The following FAAH2 variants were observed in gnomAD, a reference collection of about 807,000 sequenced individuals.
FAAH2 encodes fatty-acid amide hydrolase 2.
A neutral mutation model predicts 36.9 loss-of-function variants in FAAH2; 60 were observed. The ratio of observed to expected loss-of-function variants is 1.63; its 90% CI spans 1.32 to 2.02. The LOEUF is 2.02. Ranked by LOEUF, FAAH2 falls within the 30% of genes most tolerant of loss-of-function variation. The pLI, the probability that FAAH2 is intolerant of heterozygous loss-of-function variation, is 0.00. For synonymous variants in FAAH2, 214 were observed against 143.8 expected (o/e 1.49, Z -3.49); for missense variants, 689 against 397.5 (o/e 1.73, Z -6.23).
At chrX:57,300,117 A>C (rs1321532960) in intron 2 of FAAH2, among the ~76,000 whole-genome samples, 2 of 111,671 alleles carry the variant, frequency 1.8e-5, no homozygotes, top group African/African-American at 6.5e-5. Flanking sequence ...TTTAAAGTTC[A>C]TATAGAACCA....
the FAAH2 span, among the ~76,000 whole-genome samples, chrX:57,244,037 GT>G: frequency 1.9e-5 from 2 of 107,601 alleles, no homozygotes; most frequent in Non-Finnish European, 3.8e-5. Context: ...AGGATAACCA[GT>G]TTAGAGAACA....
intron 10 of FAAH2, among the ~76,000 whole-genome samples, chrX:57,472,863 T>C (rs1483105995): frequency 9.0e-6 from 1 of 111,541 alleles, no homozygotes; most frequent in Non-Finnish European, 1.9e-5. Flanking sequence ...TGGCATAAGT[T>C]GTAATATCAC....
chrX:57,261,250 A>G, the FAAH2 span, among the ~76,000 whole-genome samples: 6 of 111,605 alleles, frequency 5.4e-5, no homozygotes, highest in East Asian at 1.4e-3. Context: ...GATAAATCTA[A>G]AAAACAATTT....
At chrX:57,486,589 A>G (rs1445536122) in intron 10 of FAAH2, among the ~76,000 whole-genome samples, 1 of 111,451 alleles carries the variant, frequency 9.0e-6, no homozygotes, top group African/African-American at 3.3e-5. Context: ...CTTTGTTTCT[A>G]ACAAATCTCA....
At chrX:57,355,051 GA>G (rs1184970188) in intron 5 of FAAH2, among the ~76,000 whole-genome samples, 7 of 110,209 alleles carry the variant, frequency 6.4e-5, no homozygotes, top group African/African-American at 2.0e-4. Flanking sequence ...ATTTATACAG[GA>G]ATAAACATTT....
the FAAH2 span, among the ~76,000 whole-genome samples, chrX:57,172,203 C>CT: frequency 2.7e-5 from 3 of 111,800 alleles, no homozygotes; most frequent in African/African-American, 9.8e-5. Flanking sequence ...TAGCTTCGTT[C>CT]TTTTTGCTTA....
rs1277907538 is a variant in FAAH2 at position 57,352,031 on chromosome X, TATATAC to T, written c.742+10647_742+10652del. On this transcript the variant is annotated intron_variant, in intron 5 of 10. Coordinates refer to ENST00000374900, the MANE Select transcript of FAAH2 (RefSeq NM_174912.4). ...ATATATGTGTGTGTGTATATATATA[TATATAC>T]ATATATATATGTGTATATATATATA... is the stretch of plus-strand genomic sequence containing the variant. Among the ~76,000 whole-genome samples the T allele has an allele frequency of 1.2e-3, 11 of 9,417 alleles. 2 individuals carry two copies. Among genetic ancestry groups the T allele is most frequent in the Non-Finnish European group, 2.3e-3 (1 of 440 alleles). 8.2% of individuals were successfully genotyped at this position (9,417 alleles called of 115,157 possible).
chrX:57,341,539 C>A, intron 5 of FAAH2, 149 bp downstream of exon 5: 1 of 668,844 alleles, frequency 1.5e-6, no homozygotes, highest in South Asian at 4.8e-5. Flanking sequence ...GTTTATTGAG[C>A]ACCAACTCTG....
chrX:57,386,136 T>C (rs2055017577), intron 7 of FAAH2, among the ~76,000 whole-genome samples: 2 of 111,479 alleles, frequency 1.8e-5, no homozygotes, highest in Non-Finnish European at 3.8e-5. Flanking sequence ...AATTTTTACG[T>C]GTATTAAGAT....
the FAAH2 span, among the ~76,000 whole-genome samples, chrX:57,158,977 G>A: frequency 8.9e-6 from 1 of 112,339 alleles, no homozygotes; most frequent in African/African-American, 3.2e-5. Context: ...ATGGTTTTAG[G>A]TCTAACATGT....
At chrX:57,479,076 G>C (rs2057327345) in intron 10 of FAAH2, among the ~76,000 whole-genome samples, 1 of 111,418 alleles carries the variant, frequency 9.0e-6, no homozygotes, top group East Asian at 2.8e-4. Context: ...AATGACCTTG[G>C]GCAGTTTGGC....
intron 1 of FAAH2, among the ~76,000 whole-genome samples, chrX:57,289,003 C>T (rs182647130): frequency 8.9e-6 from 1 of 111,797 alleles, no homozygotes; most frequent in African/African-American, 3.2e-5. Context: ...AATATTGTTA[C>T]TGCAAAACAA....
chrX:57,345,123 T>G (rs1319067686), intron 5 of FAAH2, among the ~76,000 whole-genome samples: 16 of 45,388 alleles, frequency 3.5e-4, no homozygotes, highest in Non-Finnish European at 3.9e-4. Context: ...TCTCCTCAAT[T>G]TTTTTTTTTT....
the FAAH2 span, among the ~76,000 whole-genome samples, chrX:57,231,520 T>A: frequency 8.9e-6 from 1 of 111,837 alleles, no homozygotes; most frequent in Non-Finnish European, 1.9e-5. Flanking sequence ...TTGTAGCCTT[T>A]TGATTTGTTT....
intron 10 of FAAH2, among the ~76,000 whole-genome samples, chrX:57,469,377 T>A (rs184390655): frequency 2.7e-3 from 297 of 111,189 alleles, no homozygotes; most frequent in African/African-American, 9.1e-3. Flanking sequence ...AGACACACAT[T>A]GGCTCAAAAT....
At chrX:57,163,661 A>T in the FAAH2 span, among the ~76,000 whole-genome samples, 1 of 112,309 alleles carries the variant, frequency 8.9e-6, no homozygotes, top group African/African-American at 3.2e-5. Flanking sequence ...TGACTTGGAA[A>T]GGGAACTCCC....
At chrX:57,153,098 G>T in the FAAH2 span, among the ~76,000 whole-genome samples, 1 of 112,017 alleles carries the variant, frequency 8.9e-6, no homozygotes, top group East Asian at 2.8e-4. Context: ...GTTGGTCAAG[G>T]CCTTTTATTA....
the FAAH2 span, among the ~76,000 whole-genome samples, chrX:57,177,165 G>C: frequency 5.4e-5 from 6 of 110,866 alleles, no homozygotes; most frequent in African/African-American, 2.0e-4. Flanking sequence ...TGACAGAGGT[G>C]TCTGGGAAAG....
chrX:57,393,711 G>C, intron 7 of FAAH2: 1 of 1,012,257 alleles, frequency 9.9e-7, no homozygotes, highest in Non-Finnish European at 1.4e-6. Flanking sequence ...CTGTCTTCTA[G>C]AGAAGTGGTG....
Sources: gnomAD v4.1 joint callset for allele counts (sites outside exome capture counted in the v4.1 genomes callset) on GRCh38, gnomAD v4.1.1 for gene constraint, MANE v1.5 for transcripts, NCBI Gene and HGNC (gene_info 2026-07-23, HGNC 2026-07-21) for gene names.